TACC2: variants seen among roughly 807,000 people sequenced by gnomAD.
TACC2 encodes the protein transforming acidic coiled-coil containing protein 2.
A neutral mutation model predicts 227.3 loss-of-function variants in TACC2; 137 were observed. That is an observed-to-expected ratio of 0.60 (90% CI 0.52 to 0.69). The LOEUF is 0.69. Ranked by LOEUF, TACC2 falls within the 30% of genes least tolerant of loss-of-function variation. TACC2 has a pLI of 0.00. For synonymous variants in TACC2, 1,523 were observed against 1,487.5 expected (o/e 1.02, Z -0.55); for missense variants, 3,470 against 3,694.4 (o/e 0.94, Z 1.57).
chr10:122,009,462 C>G (rs1264731344), intron 1 of TACC2, among the ~76,000 whole-genome samples: 1 of 151,856 alleles, frequency 6.6e-6, no homozygotes, highest in East Asian at 1.9e-4. Context: ...AGAGATCGTG[C>G]CACTGCATTC....
At chr10:122,196,307 C>T (rs2094566396) in intron 8 of TACC2, among the ~76,000 whole-genome samples, 1 of 152,190 alleles carries the variant, frequency 6.6e-6, no homozygotes, top group African/African-American at 2.4e-5. Context: ...AACCAGCAAA[C>T]CCCCGTGCTG....
chr10:122,083,317 C>T lies in TACC2; in HGVS notation c.817C>T (p.Pro273Ser). The change falls in exon 4 of 23, where the codon CCC becomes TCC. Residue 273 changes from proline to serine, a missense_variant. By Grantham distance (74) the Pro-to-Ser change is moderately conservative (BLOSUM62 -1). This residue lies in a region of TACC2 where 405 missense variants were observed against 389.6 expected (regional missense o/e 1.04). Coordinates refer to ENST00000369005, the MANE Select transcript of TACC2 (RefSeq NM_206862.4). Reference protein sequence around the residue: ...SAVLEKSPLKPMAPIPQDPAP... With the variant: ...SAVLEKSPLKSMAPIPQDPAP... ...GGTCTTGGAGAAGTCCCCCCTAAAA[C>T]CCATGGCCCCGATCCCACAAGATCC... 2 of 1,614,040 alleles carry T rather than the reference C, an allele frequency of 1.2e-6. No individual in the cohort carries two copies. Among genetic ancestry groups the T allele is most frequent in the African/African-American group, 1.3e-5 (1 of 75,050 alleles).
Position 122,237,439 on chromosome 10 carries a change from C to G in TACC2, c.8172C>G (p.Ala2724=). The change falls in exon 17 of 23, where the codon GCC becomes GCG. Residue 2724 remains alanine, a synonymous_variant. Coordinates refer to ENST00000369005, the MANE Select transcript of TACC2 (RefSeq NM_206862.4). The stretch of plus-strand genomic sequence containing the variant: ...CAGACGTCTCCATCTCCAAAACAGC[C>G]TTGTACTCCCGCATCGGGACCGCTG... ...HPTDVSISKT[A]LYSRIGTAEV... 5 of 1,614,080 alleles carry G rather than the reference C, an allele frequency of 3.1e-6. No individual in the cohort carries two copies. The highest frequency in any genetic ancestry group is 4.2e-6 in the Non-Finnish European group (5 of 1,179,982).
intron 7 of TACC2, chr10:122,163,895 G>C (rs1431911745): frequency 3.7e-5 from 57 of 1,552,220 alleles, no homozygotes; most frequent in Non-Finnish European, 4.9e-5. Flanking sequence ...CCCCGCTCGC[G>C]GCTAGCTTGC....
Position 122,209,064 on chromosome 10 carries a change from G to T in TACC2, c.5972-1333G>T, listed in dbSNP as rs1296233383. 2.0e-5 allele frequency among the ~76,000 whole-genome samples: 3 copies of T among 152,226 alleles called. No homozygotes were observed. Among genetic ancestry groups the T allele is most frequent in the African/African-American group, 7.2e-5 (3 of 41,462 alleles). On this transcript the variant is annotated intron_variant, in intron 8 of 22. Coordinates refer to ENST00000369005, the MANE Select transcript of TACC2 (RefSeq NM_206862.4). This position sits in a 1 kb window ranked among gnomAD's most constrained non-coding sequence, Gnocchi z 4.5. ...TTTGAGCATCATTTGGCCAACATTT[G>T]CAGCATCTGCAGCATGTTTGGGAAA... is the stretch of plus-strand genomic sequence containing the variant.
chr10:122,134,949 C>T (rs1177376809), intron 6 of TACC2, among the ~76,000 whole-genome samples: 3 of 152,208 alleles, frequency 2.0e-5, no homozygotes, highest in South Asian at 2.1e-4. Context: ...AGGTGAGTGG[C>T]ACATGCTCTT....
chr10:122,242,337 T>C (rs190040585), intron 19 of TACC2, among the ~76,000 whole-genome samples: 29 of 152,294 alleles, frequency 1.9e-4, no homozygotes, highest in Admixed American at 1.4e-3. Context: ...TCTTTTCGCT[T>C]GTGGGAGATA....
At chr10:122,088,402 C>A in intron 4 of TACC2, 76 bp from the exon 5 acceptor site, 1 of 1,327,356 alleles carries the variant, frequency 7.5e-7, no homozygotes, top group Non-Finnish European at 1.0e-6. Context: ...GAGAAATCTG[C>A]TTTTTCAATA....
At chr10:122,122,287 G>A (rs1565361660) in intron 5 of TACC2, among the ~76,000 whole-genome samples, 1 of 152,042 alleles carries the variant, frequency 6.6e-6, no homozygotes, top group Non-Finnish European at 1.5e-5. Context: ...CCCGGGAGGC[G>A]GAGCTTGCAC....
In TACC2 at chr10:122,086,373, C is replaced by T. The variant is rs368864486; in HGVS notation, c.3873C>T (p.Leu1291=). 12 of 1,613,514 alleles carry T rather than the reference C, an allele frequency of 7.4e-6. No homozygotes were observed. Among genetic ancestry groups the T allele is most frequent in the Admixed American group, 3.3e-5 (2 of 60,006 alleles). Residue 1291 remains leucine (L), a synonymous_variant, in exon 4 of 23, where the codon CTC becomes CTT. Coordinates refer to ENST00000369005, the MANE Select transcript of TACC2 (RefSeq NM_206862.4). ...AASLKLFAGS[L]APLLQPGAAG... is the part of the protein sequence containing the mutation. ...CCTTGAAGCTGTTTGCTGGCTCCCTCGCCCCCCTGTTGCAACCAGGAGCTG... is the reference window on the plus strand; with the variant it reads ...CCTTGAAGCTGTTTGCTGGCTCCCTTGCCCCCCTGTTGCAACCAGGAGCTG...
rs57220439 is a variant in TACC2 at position 122,150,571 on chromosome 10, G to A, written c.5834+6865G>A. On this transcript the variant is annotated intron_variant, in intron 7 of 22. Transcript: ENST00000369005. This position sits in a 1 kb window ranked among gnomAD's most constrained non-coding sequence, Gnocchi z 4.0. ...GGAGGTGCAGAAAGAGGGGTGGCCAGGAGACGGCTGGTCACAGAGTGCCCC... is the reference window on the plus strand; with the variant it reads ...GGAGGTGCAGAAAGAGGGGTGGCCAAGAGACGGCTGGTCACAGAGTGCCCC... Among the ~76,000 whole-genome samples, 703 of 152,322 alleles carry A rather than the reference G, an allele frequency of 4.6e-3. 6 individuals carry two copies. The highest frequency in any genetic ancestry group is 0.016 in the African/African-American group (672 of 41,564).
intron 1 of TACC2, among the ~76,000 whole-genome samples, chr10:122,018,526 T>C: frequency 6.6e-6 from 1 of 152,182 alleles, no homozygotes; most frequent in East Asian, 1.9e-4. Context: ...AAAAATCCTG[T>C]GCCCATTAAG....
At chr10:122,101,545 C>A (rs192555663) in intron 5 of TACC2, among the ~76,000 whole-genome samples, 6,598 of 139,296 alleles carry the variant, frequency 0.047, 352 homozygotes, top group African/African-American at 0.12. Flanking sequence ...CATGGCAAAA[C>A]CCCATCTTTT....
At chr10:122,109,092 A>G (rs2083286805) in intron 5 of TACC2, among the ~76,000 whole-genome samples, 1 of 152,102 alleles carries the variant, frequency 6.6e-6, no homozygotes, top group African/African-American at 2.4e-5. Context: ...ATATTTTTTC[A>G]GTTGCAAATT....
chr10:122,040,177 C>T (rs907020791), intron 2 of TACC2, among the ~76,000 whole-genome samples: 1 of 152,108 alleles, frequency 6.6e-6, no homozygotes, highest in African/African-American at 2.4e-5. Flanking sequence ...AAATGTATAA[C>T]CACGGCTCTA....
At chr10:122,187,577 GC>G (rs1052708932) in intron 7 of TACC2, among the ~76,000 whole-genome samples, 1 of 151,708 alleles carries the variant, frequency 6.6e-6, no homozygotes, top group African/African-American at 2.4e-5. Flanking sequence ...TGCAATCTCT[GC>G]CTCCCAGGTT....
chr10:122,199,332 A>G (rs2094698296), intron 8 of TACC2, among the ~76,000 whole-genome samples: 1 of 152,244 alleles, frequency 6.6e-6, no homozygotes, highest in African/African-American at 2.4e-5. Context: ...TTGACTTGGA[A>G]TGGAGCTCAG....
At position 122,224,780 on chromosome 10, in the gene TACC2, CCTT is replaced by C. The variant is rs2095591218; in HGVS notation, c.7602_7604del (p.Leu2535del). 6.2e-7 allele frequency: 1 copy of C among 1,614,010 alleles called. No individual in the cohort carries two copies. Among genetic ancestry groups the C allele is most frequent in the South Asian group, 1.1e-5 (1 of 91,070 alleles). On this transcript the variant is annotated inframe_deletion, in exon 12 of 23. Coordinates refer to ENST00000369005, the MANE Select transcript of TACC2 (RefSeq NM_206862.4). ...GAATATATGGAGAAAATTGGCTCCT[CCTT>C]ACCTGTAAGTTCGTCTGCCTCGGGC...
chr10:122,130,274 G>T (rs531548795), intron 5 of TACC2, among the ~76,000 whole-genome samples: 3 of 152,288 alleles, frequency 2.0e-5, no homozygotes, highest in Admixed American at 6.5e-5. Context: ...GAGATTACAG[G>T]TGTGAGCCAC....
Sources: allele counts gnomAD v4.1 joint callset (sites outside exome capture counted in the v4.1 genomes callset), GRCh38; gene constraint gnomAD v4.1.1; regional missense constraint gnomAD v4.1.1; non-coding constraint Gnocchi (gnomAD v3.1); transcripts MANE v1.5; gene names NCBI Gene and HGNC (gene_info 2026-07-23, HGNC 2026-07-21).